Variants in MBD5 observed in about 807,000 individuals in gnomAD.
MBD5 encodes methyl-CpG-binding domain protein 5.
MBD5 carries 13 observed loss-of-function variants against 117.3 expected under a neutral mutation model. The ratio of observed to expected loss-of-function variants is 0.11; its 90% CI spans 0.07 to 0.18. The LOEUF (loss-of-function observed/expected upper bound fraction) is 0.18. MBD5 is among the 10% of genes least tolerant of loss of function. The probability of loss-of-function intolerance (pLI) is 1.00; values close to 1 mark genes in which losing one functional copy is unlikely to be tolerated. For missense variants in MBD5, 1,879 were observed against 2,093.8 expected, an observed-to-expected ratio of 0.90 and a Z score of 2.00; for synonymous variants, 727 against 766.4, an observed-to-expected ratio of 0.95 and a Z score of 0.85.
intron 4 of MBD5, chr2:148,346,075 G>A (rs568734228): frequency 6.6e-6 from 1 of 151,994 alleles, no homozygotes; most frequent in African/African-American, 2.4e-5. Context: ...ATCCAGTCAA[G>A]TTGATACTCA....
intron 1 of MBD5, among the ~76,000 whole-genome samples, chr2:148,076,795 G>A (rs6430286): frequency 0.41 from 61,803 of 152,074 alleles, 12,749 homozygotes; most frequent in Middle Eastern, 0.54. Context: ...ACAAGTTACT[G>A]TACTAGACAG....
intron 3 of MBD5, among the ~76,000 whole-genome samples, chr2:148,244,742 A>G (rs1200351342): frequency 6.6e-6 from 1 of 152,166 alleles, no homozygotes; most frequent in African/African-American, 2.4e-5. Context: ...TTCATTTTTA[A>G]TGGACCTGGA....
At chr2:148,320,900 T>C (rs556942642) in intron 3 of MBD5, among the ~76,000 whole-genome samples, 11 of 152,208 alleles carry the variant, frequency 7.2e-5, no homozygotes, top group Non-Finnish European at 1.5e-4. Context: ...TCCTCTTTTT[T>C]AGTCTAGCTA....
intron 2 of MBD5, among the ~76,000 whole-genome samples, chr2:148,203,275 C>T (rs1307140034): frequency 6.6e-6 from 1 of 152,116 alleles, no homozygotes; most frequent in Non-Finnish European, 1.5e-5. Flanking sequence ...ATTTTCTTAA[C>T]ATGCAAAGAG....
intron 2 of MBD5, among the ~76,000 whole-genome samples, chr2:148,182,976 TCTGCCACATACCTAAATTAATC>T (rs1698564180): frequency 6.6e-6 from 1 of 152,204 alleles, no homozygotes. Flanking sequence ...TTAAACTCCC[TCTGCCACATACCTAAATTAATC>T]CTGCACTACG....
At chr2:148,323,330 G>A (rs1702342126) in intron 3 of MBD5, among the ~76,000 whole-genome samples, 1 of 152,202 alleles carries the variant, frequency 6.6e-6, no homozygotes, top group South Asian at 2.1e-4. Context: ...CTTTATAGCA[G>A]CATGATTTAT....
At chr2:148,345,217 T>TAG (rs758127775) in intron 4 of MBD5, among the ~76,000 whole-genome samples, 1 of 109,136 alleles carries the variant, frequency 9.2e-6, no homozygotes, top group African/African-American at 3.5e-5. Context: ...TATGTATATA[T>TAG]ACACACACAC....
intron 1 of MBD5, among the ~76,000 whole-genome samples, chr2:148,141,056 G>A (rs760437618): frequency 2.3e-4 from 35 of 152,246 alleles, no homozygotes; most frequent in Non-Finnish European, 4.3e-4. Flanking sequence ...ACAGGTGTCA[G>A]GCACCGCGCC....
intron 4 of MBD5, among the ~76,000 whole-genome samples, chr2:148,359,716 G>A (rs746147702): frequency 2.6e-5 from 4 of 152,056 alleles, no homozygotes; most frequent in Non-Finnish European, 5.9e-5. Flanking sequence ...ATCAAAGCAT[G>A]ATCTCTATGA....
At chr2:148,120,340 A>G (rs1241986271) in intron 1 of MBD5, among the ~76,000 whole-genome samples, 1 of 152,162 alleles carries the variant, frequency 6.6e-6, no homozygotes, top group Non-Finnish European at 1.5e-5. Flanking sequence ...CGCCAGCTTG[A>G]GTTTTGATAG....
chr2:148,373,974 A>C (rs887522931), intron 4 of MBD5, among the ~76,000 whole-genome samples: 2 of 152,100 alleles, frequency 1.3e-5, no homozygotes, highest in Non-Finnish European at 2.9e-5. Context: ...AGCCCAATAT[A>C]AGGCTCAAAG....
At chr2:148,090,234 G>T (rs1443579282) in intron 1 of MBD5, among the ~76,000 whole-genome samples, 1 of 152,072 alleles carries the variant, frequency 6.6e-6, no homozygotes, top group Non-Finnish European at 1.5e-5. Flanking sequence ...GAACCAGATG[G>T]ATTCACAGCT....
intron 4 of MBD5, among the ~76,000 whole-genome samples, chr2:148,359,994 A>C (rs1231032104): frequency 6.6e-6 from 1 of 152,190 alleles, no homozygotes; most frequent in Non-Finnish European, 1.5e-5. Context: ...GAAAAAGGGC[A>C]AGAAGAAATT....
intron 12 of MBD5, among the ~76,000 whole-genome samples, chr2:148,503,686 C>T (rs960582695): frequency 1.3e-5 from 2 of 152,128 alleles, no homozygotes; most frequent in African/African-American, 4.8e-5. Context: ...TGTGAAAGGC[C>T]AAGTTAATTG....
At chr2:148,391,090 A>G (rs780646208) in intron 4 of MBD5, among the ~76,000 whole-genome samples, 14 of 152,168 alleles carry the variant, frequency 9.2e-5, no homozygotes, top group Non-Finnish European at 1.8e-4. Flanking sequence ...CAAGCCAATA[A>G]ATTGAAACTC....
At chr2:148,239,073 T>C (rs1378676404) in intron 3 of MBD5, among the ~76,000 whole-genome samples, 1 of 151,694 alleles carries the variant, frequency 6.6e-6, no homozygotes, top group Non-Finnish European at 1.5e-5. Context: ...TGTATATATG[T>C]GTGGGTGTCT....
chr2:148,401,352 T>G (rs914868349), intron 4 of MBD5, among the ~76,000 whole-genome samples: 1 of 151,794 alleles, frequency 6.6e-6, no homozygotes, highest in Non-Finnish European at 1.5e-5. Flanking sequence ...TCTTTTCCTT[T>G]TCAAAAAAAA....
chr2:148,382,028 G>A (rs542289237), intron 4 of MBD5, among the ~76,000 whole-genome samples: 1 of 152,258 alleles, frequency 6.6e-6, no homozygotes, highest in African/African-American at 2.4e-5. Flanking sequence ...AGACCATCAA[G>A]GCTACGAAGA....
Position 148,185,780 on chromosome 2 carries a change from C to T in MBD5, c.-831+6987C>T, listed in dbSNP as rs751343570. On this transcript the variant is annotated intron_variant, in intron 2 of 13. Transcript: ENST00000642680. ...AAAATATCAGCCAGGCATGGTGGTA[C>T]GTGCCTGTAGTTCCAGCTATTCAAG... is the stretch of plus-strand genomic sequence containing the variant. Among the ~76,000 whole-genome samples the T allele has an allele frequency of 5.9e-5, 9 of 152,136 alleles. No homozygotes were observed. In the East Asian group the frequency reaches 7.7e-4, roughly 13 times the overall value.
Sources: allele counts gnomAD v4.1 joint callset (sites outside exome capture counted in the v4.1 genomes callset), GRCh38; gene constraint gnomAD v4.1.1; transcripts MANE v1.5; gene names NCBI Gene and HGNC (gene_info 2026-07-23, HGNC 2026-07-21).